Variants in NPAS3 observed in about 807,000 individuals in gnomAD.
The protein encoded by NPAS3 is neuronal PAS domain protein 3.
In NPAS3, 14 loss-of-function variants were observed where a neutral mutation model predicts 73.1. The ratio of observed to expected loss-of-function variants is 0.19; its 90% CI spans 0.13 to 0.30. The LOEUF (loss-of-function observed/expected upper bound fraction) is 0.30. Ranked by LOEUF, NPAS3 falls within the 10% of genes least tolerant of loss-of-function variation. NPAS3 has a pLI of 1.00. For missense variants in NPAS3, 1,096 were observed against 1,250.0 expected (o/e 0.88, Z 1.86); for synonymous variants, 620 against 541.5 (o/e 1.14, Z -2.01).
chr14:33,735,481 G>T, intron 7 of NPAS3, 149 bp downstream of exon 7: 1 of 650,478 alleles, frequency 1.5e-6, no homozygotes. Context: ...CTGTCTCAAG[G>T]CAGGAGCTTC....
At chr14:33,398,568 G>A (rs7161650) in intron 4 of NPAS3, among the ~76,000 whole-genome samples, 18,657 of 152,060 alleles carry the variant, frequency 0.12, 1,768 homozygotes, top group East Asian at 0.36. Context: ...TAACAAGGAT[G>A]TTTATTTTGC....
At chr14:33,350,002 T>C (rs1385754553) in intron 3 of NPAS3, among the ~76,000 whole-genome samples, 1 of 152,250 alleles carries the variant, frequency 6.6e-6, no homozygotes, top group African/African-American at 2.4e-5. Flanking sequence ...AGCCAGTGTT[T>C]ACTGCTGGTC....
chr14:33,560,024 A>AT (rs1401641611), intron 4 of NPAS3, 97 bp from the exon 5 acceptor site: 1 of 591,548 alleles, frequency 1.7e-6, no homozygotes, highest in Non-Finnish European at 2.9e-6. Flanking sequence ...AAAAAAAAAA[A>AT]AATTCAATGT....
At chr14:33,612,008 C>T (rs1386181883) in intron 5 of NPAS3, among the ~76,000 whole-genome samples, 2 of 152,262 alleles carry the variant, frequency 1.3e-5, no homozygotes, top group East Asian at 3.9e-4. Flanking sequence ...CCTGGCCCTG[C>T]AGATGCTGAG....
chr14:32,996,541 C>T (rs2038580039), intron 1 of NPAS3, among the ~76,000 whole-genome samples: 1 of 152,138 alleles, frequency 6.6e-6, no homozygotes, highest in Non-Finnish European at 1.5e-5. Context: ...GTGCTGTGTG[C>T]AGCCTTGGGA....
intron 2 of NPAS3, among the ~76,000 whole-genome samples, chr14:33,062,312 A>AT (rs2041136081): frequency 6.6e-6 from 1 of 150,616 alleles, no homozygotes; most frequent in Admixed American, 6.6e-5. Context: ...AAAAAAAAAA[A>AT]GAAGGAATGT....
intron 5 of NPAS3, among the ~76,000 whole-genome samples, chr14:33,674,736 C>T (rs1295451499): frequency 6.6e-6 from 1 of 152,186 alleles, no homozygotes; most frequent in Non-Finnish European, 1.5e-5. Context: ...GTAAAAGTTA[C>T]GCGAGCCTTT....
Position 33,180,777 on chromosome 14 carries a change from C to T in NPAS3, c.141-34405C>T, listed in dbSNP as rs527927438. 2.2e-4 allele frequency among the ~76,000 whole-genome samples: 24 copies of T among 111,128 alleles called. No homozygotes were observed. The Admixed American group carries it at 2.2e-3, about 10-fold the overall frequency. 72.9% of individuals were successfully genotyped at this position (111,128 alleles called of 152,430 possible). On this transcript the variant is annotated intron_variant, in intron 2 of 11. Transcript: ENST00000356141. ...TCGTGCCACTGCACTCCAGCCTGGGCGACAGAGCGAGACACTGTCTCCAAG... is the reference window on the plus strand; with the variant it reads ...TCGTGCCACTGCACTCCAGCCTGGGTGACAGAGCGAGACACTGTCTCCAAG...
At chr14:33,754,502 G>T (rs976859361) in intron 7 of NPAS3, among the ~76,000 whole-genome samples, 5 of 152,184 alleles carry the variant, frequency 3.3e-5, no homozygotes, top group Non-Finnish European at 7.4e-5. Flanking sequence ...GCTGGAGTCA[G>T]CCTCAGAGTG....
intron 1 of NPAS3, among the ~76,000 whole-genome samples, chr14:32,969,371 AG>A (rs1332457880): frequency 6.6e-6 from 1 of 152,158 alleles, no homozygotes; most frequent in East Asian, 1.9e-4. Context: ...GCCAAGTACT[AG>A]GAGGTGTGGA....
chr14:33,383,725 A>G (rs2046655366), intron 4 of NPAS3, among the ~76,000 whole-genome samples: 1 of 152,230 alleles, frequency 6.6e-6, no homozygotes, highest in Non-Finnish European at 1.5e-5. Flanking sequence ...TAGGAGGAAT[A>G]TTAAACAAAA....
intron 7 of NPAS3, among the ~76,000 whole-genome samples, chr14:33,743,125 T>C (rs2061695840): frequency 6.6e-6 from 1 of 152,238 alleles, no homozygotes; most frequent in Non-Finnish European, 1.5e-5. Flanking sequence ...ATGTTCTTAA[T>C]GGCATTTTGA....
At chr14:33,413,048 G>A (rs1156926057) in intron 4 of NPAS3, among the ~76,000 whole-genome samples, 1 of 152,084 alleles carries the variant, frequency 6.6e-6, no homozygotes, top group African/African-American at 2.4e-5. Context: ...CGTACAACAG[G>A]AAATACCAGT....
At chr14:33,286,112 C>G (rs1486840243) in intron 3 of NPAS3, among the ~76,000 whole-genome samples, 3 of 152,134 alleles carry the variant, frequency 2.0e-5, no homozygotes, top group Non-Finnish European at 4.4e-5. Flanking sequence ...TGGTATGTGC[C>G]TGAAATACAA....
chr14:33,364,860 C>G (rs1181195487), intron 3 of NPAS3, among the ~76,000 whole-genome samples: 1 of 151,952 alleles, frequency 6.6e-6, no homozygotes, highest in East Asian at 1.9e-4. Flanking sequence ...GAGCTTGCAT[C>G]TTGGGCCTCC....
At chr14:33,509,453 A>G (rs12887697) in intron 4 of NPAS3, among the ~76,000 whole-genome samples, 47,432 of 151,870 alleles carry the variant, frequency 0.31, 8,163 homozygotes, top group African/African-American at 0.44. Context: ...AGACAGATCT[A>G]AGACCTGGAT....
At chr14:33,414,229 G>A (rs925537110) in intron 4 of NPAS3, among the ~76,000 whole-genome samples, 5 of 152,058 alleles carry the variant, frequency 3.3e-5, no homozygotes, top group Admixed American at 2.0e-4. Flanking sequence ...CAACCCAGTA[G>A]CAAACATTCG....
intron 5 of NPAS3, among the ~76,000 whole-genome samples, chr14:33,571,840 C>G (rs1160959660): frequency 1.3e-5 from 2 of 152,154 alleles, no homozygotes; most frequent in Admixed American, 6.5e-5. Context: ...AATTGAAAGG[C>G]TTTTGGTAAT....
chr14:33,214,838 T>C (rs1237376214), intron 2 of NPAS3: 1 of 226,148 alleles, frequency 4.4e-6, no homozygotes, highest in Non-Finnish European at 8.6e-6. Flanking sequence ...GCCCAACTTA[T>C]AAATTGATTC....
Sources: gnomAD v4.1 joint callset for allele counts (sites outside exome capture counted in the v4.1 genomes callset) on GRCh38, gnomAD v4.1.1 for gene constraint, MANE v1.5 for transcripts, NCBI Gene and HGNC (gene_info 2026-07-23, HGNC 2026-07-21) for gene names.